NRXN1: variants seen among roughly 807,000 people sequenced by gnomAD.
NRXN1 encodes the protein neurexin-1.
A neutral mutation model predicts 150.9 loss-of-function variants in NRXN1; 39 were observed. The observed-to-expected ratio is 0.26, with a 90% CI of 0.20 to 0.34. The LOEUF (loss-of-function observed/expected upper bound fraction) is 0.34. Among genes scored for constraint, NRXN1 ranks in the 10% least tolerant of loss-of-function variants. The probability of loss-of-function intolerance (pLI) is 1.00; values close to 1 mark genes in which losing one functional copy is unlikely to be tolerated. For missense variants in NRXN1, 1,815 were observed against 1,949.9 expected (o/e 0.93, Z 1.30); for synonymous variants, 924 against 757.0 (o/e 1.22, Z -3.62).
At chr2:50,752,951 A>T (rs956091499) in intron 5 of NRXN1, among the ~76,000 whole-genome samples, 19 of 151,992 alleles carry the variant, frequency 1.3e-4, no homozygotes, top group Admixed American at 6.6e-5. Flanking sequence ...AGATGCATTT[A>T]ATTCTAATTT....
rs185703928 is a variant in NRXN1 at position 50,969,915 on chromosome 2, T to C, written c.773-43960A>G. Among the ~76,000 whole-genome samples the C allele has an allele frequency of 6.6e-3, 999 of 152,300 alleles. 33 individuals carry two copies. The highest frequency in any genetic ancestry group is 0.056 in the Admixed American group (861 of 15,278). On this transcript the variant is annotated intron_variant, in intron 2 of 22. Coordinates refer to ENST00000401669, the MANE Select transcript of NRXN1 (RefSeq NM_001330078.2). The stretch of plus-strand genomic sequence containing the variant: ...AGGAAATTGTCCACTTTTATGCTTA[T>C]GTTCAACAAAGTATGTACAGCAGTG...
chr2:50,849,054 T>C (rs1439908305), intron 5 of NRXN1, among the ~76,000 whole-genome samples: 1 of 152,238 alleles, frequency 6.6e-6, no homozygotes, highest in Non-Finnish European at 1.5e-5. Context: ...GGTTACAACA[T>C]TCTTCAAAGA....
At chr2:50,991,228 G>A (rs980906749) in intron 2 of NRXN1, among the ~76,000 whole-genome samples, 2 of 151,882 alleles carry the variant, frequency 1.3e-5, no homozygotes, top group Non-Finnish European at 2.9e-5. Context: ...CACATCTAAT[G>A]AATATTATAA....
chr2:50,389,305 T>C (rs1448458142), intron 17 of NRXN1, among the ~76,000 whole-genome samples: 2 of 149,354 alleles, frequency 1.3e-5, no homozygotes, highest in South Asian at 2.2e-4. Flanking sequence ...GTCTTCTTTA[T>C]TCCTAAAATA....
intron 2 of NRXN1, among the ~76,000 whole-genome samples, chr2:50,952,591 T>A (rs777935928): frequency 6.6e-6 from 1 of 152,036 alleles, no homozygotes; most frequent in African/African-American, 2.4e-5. Context: ...TACCACGGAG[T>A]TCTTATTTTC....
intron 18 of NRXN1, among the ~76,000 whole-genome samples, chr2:50,126,509 A>T (rs1027118311): frequency 1.8e-4 from 28 of 152,094 alleles, no homozygotes; most frequent in Non-Finnish European, 1.3e-4. Flanking sequence ...AAAAAAATTT[A>T]AAAAAGCAAG....
chr2:50,464,158 T>C (rs996952858), intron 17 of NRXN1: 2 of 151,726 alleles, frequency 1.3e-5, no homozygotes, highest in Admixed American at 1.3e-4. Flanking sequence ...GCTTGCAGAG[T>C]GTTCGCAAAT....
At chr2:50,551,074 A>AGAAGAAGAAGAGGAG (rs1553775804) in intron 9 of NRXN1, among the ~76,000 whole-genome samples, 32 of 110,782 alleles carry the variant, frequency 2.9e-4, no homozygotes, top group African/African-American at 9.9e-4. Context: ...AAGAAGAAGA[A>AGAAGAAGAAGAGGAG]GAGGAGGAGG....
At chr2:50,984,639 C>T (rs1697400910) in intron 2 of NRXN1, among the ~76,000 whole-genome samples, 1 of 152,032 alleles carries the variant, frequency 6.6e-6, no homozygotes, top group Non-Finnish European at 1.5e-5. Context: ...ATGTGTTTTC[C>T]TCTTCATCAA....
intron 12 of NRXN1, among the ~76,000 whole-genome samples, chr2:50,519,608 T>A (rs903668277): frequency 6.6e-6 from 1 of 151,980 alleles, no homozygotes; most frequent in Non-Finnish European, 1.5e-5. Flanking sequence ...GTTATGTCTC[T>A]GTGCCTGTTT....
At chr2:50,162,417 CAG>C (rs560966460) in intron 18 of NRXN1, among the ~76,000 whole-genome samples, 4 of 152,098 alleles carry the variant, frequency 2.6e-5, no homozygotes, top group Non-Finnish European at 4.4e-5. Context: ...TGCCTTAAAA[CAG>C]AGTAATTGCT....
chr2:50,597,123 G>A (rs538391617), intron 8 of NRXN1, among the ~76,000 whole-genome samples: 7 of 152,172 alleles, frequency 4.6e-5, no homozygotes, highest in Non-Finnish European at 1.0e-4. Context: ...AGGATTTCAG[G>A]AACGAGTCAC....
At chr2:50,578,518 T>C (rs1180721959) in intron 8 of NRXN1, among the ~76,000 whole-genome samples, 1 of 152,176 alleles carries the variant, frequency 6.6e-6, no homozygotes, top group Non-Finnish European at 1.5e-5. Context: ...TTCAAAACTA[T>C]AGTACAATAT....
intron 5 of NRXN1, among the ~76,000 whole-genome samples, chr2:50,706,793 T>C (rs188735736): frequency 2.6e-5 from 4 of 151,844 alleles, no homozygotes; most frequent in Non-Finnish European, 5.9e-5. Flanking sequence ...ATAAGTCATA[T>C]GAAAAGACAT....
At chr2:50,388,734 C>A (rs182666858) in intron 17 of NRXN1, among the ~76,000 whole-genome samples, 6 of 152,122 alleles carry the variant, frequency 3.9e-5, no homozygotes, top group Non-Finnish European at 8.8e-5. Flanking sequence ...AATGATAGGG[C>A]ATTCTTTTCT....
chr2:50,085,696 T>A (rs57788623), intron 19 of NRXN1, among the ~76,000 whole-genome samples: 139,376 of 151,556 alleles, frequency 0.92, 64,277 homozygotes, highest in East Asian at 1. Flanking sequence ...AATTATAAAT[T>A]CTATGGTTAT....
At chr2:50,678,285 T>C (rs1188314448) in intron 5 of NRXN1, among the ~76,000 whole-genome samples, 2 of 152,184 alleles carry the variant, frequency 1.3e-5, no homozygotes, top group Non-Finnish European at 2.9e-5. Context: ...CACAAGGCTG[T>C]ATTACAATTT....
At chr2:50,618,758 G>A (rs1051417215) in intron 8 of NRXN1, among the ~76,000 whole-genome samples, 4 of 149,702 alleles carry the variant, frequency 2.7e-5, no homozygotes, top group Non-Finnish European at 5.9e-5. Context: ...GGAAATATTA[G>A]TACTATAATA....
At chr2:50,805,121 T>C (rs996960009) in intron 5 of NRXN1, among the ~76,000 whole-genome samples, 1 of 152,164 alleles carries the variant, frequency 6.6e-6, no homozygotes, top group African/African-American at 2.4e-5. Flanking sequence ...TAGTTGGTAA[T>C]ATATGTGTTA....
Sources: allele counts gnomAD v4.1 joint callset (sites outside exome capture counted in the v4.1 genomes callset), GRCh38; gene constraint gnomAD v4.1.1; transcripts MANE v1.5; gene names NCBI Gene and HGNC (gene_info 2026-07-23, HGNC 2026-07-21).